Variants in BEST3 observed in about 807,000 individuals in gnomAD.
BEST3 encodes the protein bestrophin-3.
A neutral mutation model predicts 47.1 loss-of-function variants in BEST3; 50 were observed. That is an observed-to-expected ratio of 1.06 (90% confidence interval 0.85 to 1.34). The LOEUF (loss-of-function observed/expected upper bound fraction) is 1.34. Among genes scored for constraint, BEST3 ranks in the 40% most tolerant of loss-of-function variants. The pLI is 0.00. For missense variants in BEST3, 765 were observed against 817.0 expected (o/e 0.94, Z 0.78); for synonymous variants, 282 against 298.8 (o/e 0.94, Z 0.58).
At chr12:69,674,771 G>T (rs1884796049) in intron 7 of BEST3, among the ~76,000 whole-genome samples, 2 of 152,026 alleles carry the variant, frequency 1.3e-5, no homozygotes, top group African/African-American at 4.8e-5. Context: ...GTAACTGAGT[G>T]ATATACTATT....
rs11177774 is a variant in BEST3 at position 69,653,973 on chromosome 12, G to A, written c.*934C>T. 1.0e-5 allele frequency: 10 copies of A among 985,220 alleles called. No individual in the cohort carries two copies. The highest frequency in any genetic ancestry group is 2.3e-4 in the East Asian group (2 of 8,824). 61.0% of individuals were successfully genotyped at this position (985,220 alleles called of 1,614,324 possible). Reference sequence around the variant, plus strand: ...GCAAATTTCATATTCTCTTGGCTTCGTTTTTCTCCAGTGCCCAACACCAAA... The same window carrying A: ...GCAAATTTCATATTCTCTTGGCTTCATTTTTCTCCAGTGCCCAACACCAAA... On this transcript the variant is annotated 3_prime_UTR_variant, in exon 10 of 10. Transcript: ENST00000330891.
At chr12:69,663,550 T>G (rs1883996857) in intron 9 of BEST3, among the ~76,000 whole-genome samples, 1 of 152,184 alleles carries the variant, frequency 6.6e-6, no homozygotes, top group Admixed American at 6.5e-5. Context: ...AGATCAAGGC[T>G]GGGTACGGTG....
downstream of BEST3, among the ~76,000 whole-genome samples, chr12:69,649,436 T>G (rs1234412467): frequency 2.6e-5 from 4 of 152,396 alleles, no homozygotes; most frequent in African/African-American, 9.6e-5. Flanking sequence ...TTTTCTGAAT[T>G]TGAGATATCA....
chr12:69,671,705 C>CT (rs1406958262), intron 8 of BEST3, 126 bp from the exon 9 acceptor site: 1 of 834,916 alleles, frequency 1.2e-6, no homozygotes, highest in African/African-American at 1.7e-5. Flanking sequence ...ATACAAATGT[C>CT]TGTAGTTCAT....
At chr12:69,692,865 C>G (rs542995516) in intron 4 of BEST3, among the ~76,000 whole-genome samples, 1 of 152,110 alleles carries the variant, frequency 6.6e-6, no homozygotes, top group Non-Finnish European at 1.5e-5. Context: ...CAGGTTCAAG[C>G]GATTCTCCTG....
chr12:69,646,374 C>T (rs769420621), intron 9 of BEST3, among the ~76,000 whole-genome samples: 18 of 152,186 alleles, frequency 1.2e-4, no homozygotes, highest in Admixed American at 2.6e-4. Context: ...TTCAGGTCTA[C>T]TAACTTTGGA....
At chr12:69,648,527 A>G (rs957340131) in intron 9 of BEST3, among the ~76,000 whole-genome samples, 28 of 152,210 alleles carry the variant, frequency 1.8e-4, no homozygotes, top group African/African-American at 5.8e-4. Context: ...AAACAAACTC[A>G]GGGGCAAACA....
intron 4 of BEST3, among the ~76,000 whole-genome samples, chr12:69,684,904 T>G (rs2870895): frequency 0.49 from 73,942 of 151,984 alleles, 18,086 homozygotes; most frequent in South Asian, 0.65. Context: ...TTGTTTGTTT[T>G]TTTACCATAA....
intron 9 of BEST3, among the ~76,000 whole-genome samples, chr12:69,646,112 A>G (rs1209048682): frequency 6.6e-6 from 1 of 151,922 alleles, no homozygotes; most frequent in Admixed American, 6.6e-5. Flanking sequence ...AATTTTTTGT[A>G]TTTTTAGTAG....
Position 69,654,493 on chromosome 12 carries a change from AAAAG to A in BEST3, c.*410_*413del. 2.0e-6 allele frequency: 2 copies of A among 989,174 alleles called. No homozygotes were observed. Among genetic ancestry groups the A allele is most frequent in the Non-Finnish European group, 2.4e-6 (2 of 832,536 alleles). 61.3% of individuals were successfully genotyped at this position (989,174 alleles called of 1,614,324 possible). ...TCTCCTTTCTTTATGGCTAAAGAAAAAAAGAAAGAGAAAAAAGAAGAGAAATAGA... is the reference window on the plus strand; with the variant it reads ...TCTCCTTTCTTTATGGCTAAAGAAAAAAAGAGAAAAAAGAAGAGAAATAGA... On this transcript the variant is annotated 3_prime_UTR_variant, in exon 10 of 10. Coordinates refer to ENST00000330891, the MANE Select transcript of BEST3 (RefSeq NM_032735.3).
At chr12:69,651,460 G>A (rs1376410331), downstream of BEST3, among the ~76,000 whole-genome samples, 3 of 152,054 alleles carry the variant, frequency 2.0e-5, no homozygotes, top group African/African-American at 7.2e-5. Context: ...ATGACATTAA[G>A]AGCTCAGAAA....
chr12:69,672,456 T>C (rs1884638783), intron 8 of BEST3, among the ~76,000 whole-genome samples: 1 of 152,238 alleles, frequency 6.6e-6, no homozygotes, highest in Non-Finnish European at 1.5e-5. Flanking sequence ...AGGCTCCCAG[T>C]GTCCAGCTGG....
At chr12:69,676,008 A>T (rs544482987) in intron 7 of BEST3, among the ~76,000 whole-genome samples, 54 of 152,268 alleles carry the variant, frequency 3.5e-4, no homozygotes, top group African/African-American at 1.3e-3. Flanking sequence ...TTTTTTTTCT[A>T]TCACATACTT....
chr12:69,687,246 A>T (rs1173034062), intron 4 of BEST3: 1 of 152,176 alleles, frequency 6.6e-6, no homozygotes, highest in African/African-American at 2.4e-5. Flanking sequence ...GGTTATATTA[A>T]TGTCTGTTAA....
chr12:69,693,231 T>TTC lies in BEST3; in HGVS notation c.481+441_481+442dup, dbSNP rs948405001. On this transcript the variant is annotated intron_variant, in intron 4 of 9. Transcript: ENST00000330891. ...TTCTTTTTCTTTTCTTTCCTTTTCT[T>TTC]TCTCTCTCTCTCTCTTTTTTTTTTC... is the stretch of plus-strand genomic sequence containing the variant. 8.1e-4 allele frequency among the ~76,000 whole-genome samples: 122 copies of TTC among 150,436 alleles called. 1 individual carries two copies. In the East Asian group the frequency reaches 0.018, roughly 22 times the overall value.
Position 69,678,818 on chromosome 12 carries a change from A to T in BEST3, c.557T>A (p.Ile186Asn). The T allele has an allele frequency of 6.2e-7, 1 of 1,613,960 alleles. No homozygotes were observed. Among genetic ancestry groups the T allele is most frequent in the African/African-American group, 1.3e-5 (1 of 75,044 alleles). ...SPHLKYWVPF[I>N]WFGNLATKAR... The stretch of plus-strand genomic sequence containing the variant: ...TTTAGTTGCAAGATTTCCAAACCAG[A>T]TGAATGGAACCCAATATTTCAGATG... The change falls in exon 5 of 10, where the codon ATC becomes AAC. Residue 186 changes from isoleucine to asparagine, a missense_variant. Physicochemically the swap from Ile to Asn is moderately radical, Grantham distance 149 (BLOSUM62 -3). Transcript: ENST00000330891.
intron 9 of BEST3, among the ~76,000 whole-genome samples, chr12:69,667,108 C>G (rs1263137672): frequency 1.3e-5 from 2 of 152,130 alleles, no homozygotes; most frequent in African/African-American, 4.8e-5. Context: ...GCCTATAAAA[C>G]CCTCCATCTT....
rs1186008496 is a variant in BEST3 at position 69,653,810 on chromosome 12, GTATCCTGCCCATTCCCA to G, written c.*1080_*1096del. On this transcript the variant is annotated 3_prime_UTR_variant, in exon 10 of 10. Coordinates refer to ENST00000330891, the MANE Select transcript of BEST3 (RefSeq NM_032735.3). The stretch of plus-strand genomic sequence containing the variant: ...GGACCCCATTAGCCTCCCAGCTCCA[GTATCCTGCCCATTCCCA>G]AATGACCCGATAGACACAGTAACTG... The G allele has an allele frequency of 1.0e-6, 1 of 985,332 alleles. No homozygotes were observed. Among genetic ancestry groups the G allele is most frequent in the Non-Finnish European group, 1.2e-6 (1 of 829,976 alleles). 61.0% of individuals were successfully genotyped at this position (985,332 alleles called of 1,614,324 possible). A position where few individuals can be genotyped will look rare whatever the true frequency, so the allele number is the denominator to read the frequency against.
At chr12:69,699,002 A>C (rs888788249) in intron 1 of BEST3, among the ~76,000 whole-genome samples, 3 of 152,212 alleles carry the variant, frequency 2.0e-5, no homozygotes, top group African/African-American at 7.2e-5. Flanking sequence ...ATACAGCCAA[A>C]ATTGGGAGAG....
Sources: allele counts gnomAD v4.1 joint callset (sites outside exome capture counted in the v4.1 genomes callset), GRCh38; gene constraint gnomAD v4.1.1; transcripts MANE v1.5; gene names NCBI Gene and HGNC (gene_info 2026-07-23, HGNC 2026-07-21).